The following SLCO5A1 variants were observed in gnomAD, a reference collection of about 807,000 sequenced individuals.
The protein encoded by SLCO5A1 is solute carrier organic anion transporter family member 5A1.
Under a neutral mutation model 65.1 loss-of-function variants are expected in SLCO5A1, and 39 were observed. The observed-to-expected ratio is 0.60, with a 90% CI of 0.46 to 0.78. The LOEUF is 0.78. Ranked by LOEUF, SLCO5A1 falls within the 30% of genes least tolerant of loss-of-function variation. The probability of loss-of-function intolerance (pLI) is 0.00; values close to 1 mark genes in which losing one functional copy is unlikely to be tolerated. For synonymous variants in SLCO5A1, 438 were observed against 415.7 expected (o/e 1.05, Z -0.65); for missense variants, 1,029 against 1,069.4 (o/e 0.96, Z 0.53).
intron 2 of SLCO5A1, among the ~76,000 whole-genome samples, chr8:69,781,938 T>C (rs1818815506): frequency 6.6e-6 from 1 of 152,204 alleles, no homozygotes; most frequent in South Asian, 2.1e-4. Context: ...ATTACAGGCA[T>C]GAGCCACTGC....
Position 69,682,252 on chromosome 8 carries a change from A to T in SLCO5A1, c.1714T>A (p.Ser572Thr), listed in dbSNP as rs376200725. Residue 572 changes from serine (S) to threonine (T), a missense_variant, in exon 7 of 10, where the codon TCA (serine) becomes ACA (threonine). This residue lies in a region of SLCO5A1 where 124 missense variants were observed against 184.5 expected (regional missense o/e 0.67). Transcript: ENST00000260126. ...KIHEYEPVCG[S>T]DGITYFNPCL... The stretch of plus-strand genomic sequence containing the variant: ...GGGTTAAAGTATGTAATTCCATCTG[A>T]TCCACAGACTGGCTCATACTCGTGT... 2 of 1,613,134 alleles carry T rather than the reference A, an allele frequency of 1.2e-6. No individual in the cohort carries two copies. Among genetic ancestry groups the T allele is most frequent in the East Asian group, 2.2e-5 (1 of 44,810 alleles).
intron 2 of SLCO5A1, among the ~76,000 whole-genome samples, chr8:69,800,566 T>C (rs965126409): frequency 6.6e-6 from 1 of 152,132 alleles, no homozygotes; most frequent in Non-Finnish European, 1.5e-5. Context: ...TTTACATAAT[T>C]ATTTACCAGA....
In SLCO5A1 at chr8:69,834,588, CG is replaced by C. The variant is rs749461077; in HGVS notation, c.-497+265del. On this transcript the variant is annotated intron_variant, in intron 1 of 9. Coordinates refer to ENST00000260126, the MANE Select transcript of SLCO5A1 (RefSeq NM_030958.3). The stretch of plus-strand genomic sequence containing the variant: ...AATCCCAGCAAACTCTCGCCGCTCG[CG>C]GGGGGCGTCCGAACCCCCTGCTTAG... Among the ~76,000 whole-genome samples, 43 of 152,248 alleles carry C rather than the reference CG, an allele frequency of 2.8e-4. No homozygotes were observed. The East Asian group carries it at 7.4e-3, about 26-fold the overall frequency.
intron 2 of SLCO5A1, among the ~76,000 whole-genome samples, chr8:69,766,081 C>T (rs1818048348): frequency 6.6e-6 from 1 of 152,220 alleles, no homozygotes; most frequent in South Asian, 2.1e-4. Flanking sequence ...TCAGTAAATC[C>T]TGTTGGTTCT....
rs994854466 is a variant in SLCO5A1, at chr8:69,825,708, G to C, written c.907+6059C>G. The stretch of plus-strand genomic sequence containing the variant: ...TCGTGAAAATGGCCATACTGCCCAA[G>C]GTAATTTATAGATTCAATGCCATCC... On this transcript the variant is annotated intron_variant, in intron 2 of 9. Transcript: ENST00000260126. Among the ~76,000 whole-genome samples the C allele has an allele frequency of 9.4e-3, 1,432 of 152,122 alleles. 19 individuals are homozygous for C. Among genetic ancestry groups the C allele is most frequent in the African/African-American group, 0.032 (1,331 of 41,518 alleles).
At chr8:69,761,456 G>A (rs371086532) in intron 3 of SLCO5A1, 33 of 310,180 alleles carry the variant, frequency 1.1e-4, no homozygotes, top group African/African-American at 5.8e-4. Flanking sequence ...TCCTGCTTCC[G>A]TCTTTCCTTT....
rs552938147 is a variant in SLCO5A1, at chr8:69,799,521, T to C, written c.907+32246A>G. ...AAGTTTTTATTTGTCCATAATATTC[T>C]CTTGATTCCTATAAAGGTTGTATTT... On this transcript the variant is annotated intron_variant, in intron 2 of 9. Transcript: ENST00000260126. Among the ~76,000 whole-genome samples the C allele has an allele frequency of 5.3e-5, 8 of 152,346 alleles. No homozygotes were observed. In the East Asian group the frequency reaches 1.5e-3, roughly 29 times the overall value.
intron 3 of SLCO5A1, among the ~76,000 whole-genome samples, chr8:69,760,598 T>C (rs1361852216): frequency 6.6e-6 from 1 of 152,232 alleles, no homozygotes; most frequent in Non-Finnish European, 1.5e-5. Flanking sequence ...TTGGCACATA[T>C]CTTTTCTAAT....
At chr8:69,764,806 C>G (rs1817978204) in intron 2 of SLCO5A1, among the ~76,000 whole-genome samples, 1 of 152,064 alleles carries the variant, frequency 6.6e-6, no homozygotes, top group Non-Finnish European at 1.5e-5. Flanking sequence ...ATCATTCTCC[C>G]AAAATAGTTC....
intron 5 of SLCO5A1, chr8:69,713,303 G>C (rs1053517080): frequency 6.6e-6 from 1 of 152,148 alleles, no homozygotes; most frequent in Admixed American, 6.5e-5. Context: ...GCAAACATGA[G>C]ACTATCAATA....
At chr8:69,716,115 T>C (rs920155895) in intron 5 of SLCO5A1, among the ~76,000 whole-genome samples, 4 of 152,172 alleles carry the variant, frequency 2.6e-5, no homozygotes, top group African/African-American at 9.7e-5. Context: ...TTAGTATGTT[T>C]TCAAGGTTCC....
At chr8:69,691,455 C>G (rs1436633956) in intron 6 of SLCO5A1, among the ~76,000 whole-genome samples, 2 of 152,176 alleles carry the variant, frequency 1.3e-5, no homozygotes, top group Non-Finnish European at 2.9e-5. Flanking sequence ...GCTTATTCAT[C>G]TTGCTTGATT....
chr8:69,834,802 C>A (rs1328153697), intron 1 of SLCO5A1, 52 bp downstream of exon 1: 2 of 153,272 alleles, frequency 1.3e-5, no homozygotes, highest in South Asian at 2.1e-4. Context: ...AAGACAAGAC[C>A]GCCGGCGACA....
intron 2 of SLCO5A1, among the ~76,000 whole-genome samples, chr8:69,821,294 G>A (rs1437570901): frequency 2.0e-5 from 3 of 152,086 alleles, no homozygotes; most frequent in African/African-American, 4.8e-5. Context: ...GGGAGGTGGA[G>A]GTTGCAGTGA....
intron 2 of SLCO5A1, among the ~76,000 whole-genome samples, chr8:69,822,209 T>C (rs959781771): frequency 6.6e-6 from 1 of 152,206 alleles, no homozygotes; most frequent in African/African-American, 2.4e-5. Flanking sequence ...CCTGTCCTTG[T>C]TCACCATACA....
At chr8:69,820,819 T>TATGTGTATA (rs1398721389) in intron 2 of SLCO5A1, among the ~76,000 whole-genome samples, 1 of 152,200 alleles carries the variant, frequency 6.6e-6, no homozygotes, top group Non-Finnish European at 1.5e-5. Context: ...TACACACATA[T>TATGTGTATA]ATGTGTATAT....
chr8:69,831,217 G>A (rs1453482653), intron 2 of SLCO5A1, among the ~76,000 whole-genome samples: 1 of 151,260 alleles, frequency 6.6e-6, no homozygotes, highest in Non-Finnish European at 1.5e-5. Flanking sequence ...CTGAGATCAT[G>A]CCATTGCACT....
chr8:69,732,626 A>T (rs1247491635), intron 5 of SLCO5A1, among the ~76,000 whole-genome samples: 1 of 152,158 alleles, frequency 6.6e-6, no homozygotes, highest in Non-Finnish European at 1.5e-5. Flanking sequence ...TGTGACCCCA[A>T]GTGGGTCAGC....
At chr8:69,692,494 T>C (rs973486683) in intron 6 of SLCO5A1, among the ~76,000 whole-genome samples, 9 of 152,262 alleles carry the variant, frequency 5.9e-5, no homozygotes, top group South Asian at 2.1e-4. Flanking sequence ...CTTAGCTTAC[T>C]ATAATTTTTT....
Sources: allele counts gnomAD v4.1 joint callset (sites outside exome capture counted in the v4.1 genomes callset), GRCh38; gene constraint gnomAD v4.1.1; regional missense constraint gnomAD v4.1.1; transcripts MANE v1.5; gene names NCBI Gene and HGNC (gene_info 2026-07-23, HGNC 2026-07-21).